The following MYO3A variants were observed in gnomAD, a reference collection of about 807,000 sequenced individuals.
The protein encoded by MYO3A is myosin-IIIa.
Under a neutral mutation model 192.7 loss-of-function variants are expected in MYO3A, and 180 were observed. The ratio of observed to expected loss-of-function variants is 0.93; its 90% CI spans 0.83 to 1.06. MYO3A has a LOEUF of 1.06. Ranked by LOEUF, MYO3A falls within the 50% of genes least tolerant of loss-of-function variation. The pLI is 0.00. For synonymous variants in MYO3A, 628 were observed against 645.3 expected, an observed-to-expected ratio of 0.97 and a Z score of 0.41; for missense variants, 1,896 against 1,905.0, an observed-to-expected ratio of 1.00 and a Z score of 0.09.
intron 10 of MYO3A, among the ~76,000 whole-genome samples, chr10:26,040,325 A>G (rs1360622507): frequency 2.0e-5 from 3 of 152,302 alleles, no homozygotes; most frequent in African/African-American, 7.2e-5. Context: ...AACTAACATT[A>G]GAATAGTCTG....
chr10:25,942,790 G>T (rs796999386), intron 2 of MYO3A, among the ~76,000 whole-genome samples: 1 of 145,404 alleles, frequency 6.9e-6, no homozygotes, highest in African/African-American at 2.6e-5. Flanking sequence ...TTTTAATTGG[G>T]TTTTTTTTTT....
At chr10:26,055,496 A>G (rs1844260197) in intron 10 of MYO3A, among the ~76,000 whole-genome samples, 1 of 152,080 alleles carries the variant, frequency 6.6e-6, no homozygotes, top group South Asian at 2.1e-4. Flanking sequence ...GGGTGGGAAA[A>G]TTTGAACTGT....
At chr10:26,131,083 C>T (rs925245303) in intron 20 of MYO3A, among the ~76,000 whole-genome samples, 3 of 152,142 alleles carry the variant, frequency 2.0e-5, no homozygotes, top group African/African-American at 7.2e-5. Flanking sequence ...GGCCAGATCT[C>T]GGCACAAGTC....
chr10:26,069,815 C>T (rs1835083705), intron 12 of MYO3A, among the ~76,000 whole-genome samples: 1 of 152,018 alleles, frequency 6.6e-6, no homozygotes, highest in South Asian at 2.1e-4. Context: ...CATTTAAATA[C>T]ATAATGGAAT....
At chr10:26,062,303 G>A (rs185477461) in intron 10 of MYO3A, among the ~76,000 whole-genome samples, 4 of 151,580 alleles carry the variant, frequency 2.6e-5, no homozygotes, top group African/African-American at 4.8e-5. Context: ...GGCAGATCAC[G>A]AGGTCAGGAG....
rs376900225 is a variant in MYO3A, at chr10:26,205,666, G to A, written c.4730+2559G>A. On this transcript the variant is annotated intron_variant, in intron 34 of 34. Transcript: ENST00000642920. ...GAGTCTGGCTCTGTCGCCCAGGCTG[G>A]AATGCAGTGGCACGATCTCGGCTCA... 4.1e-4 allele frequency among the ~76,000 whole-genome samples: 54 copies of A among 132,920 alleles called. 1 individual carries two copies. Among genetic ancestry groups the A allele is most frequent in the Admixed American group, 6.8e-4 (8 of 11,820 alleles). The allele number at this position is 132,920 out of a possible 152,430, so 87.2% of individuals were successfully genotyped here.
intron 20 of MYO3A, 93 bp from the exon 21 acceptor site, chr10:26,143,354 CA>C: frequency 7.7e-7 from 1 of 1,305,562 alleles, no homozygotes; most frequent in South Asian, 1.3e-5. Context: ...TCAAAGGGAG[CA>C]ATTTATTTTA....
intron 10 of MYO3A, among the ~76,000 whole-genome samples, chr10:26,044,659 T>C (rs72793981): frequency 0.16 from 24,636 of 152,028 alleles, 2,254 homozygotes; most frequent in Non-Finnish European, 0.21. Context: ...TAGCAAAGCC[T>C]TAATGATTGG....
At chr10:25,949,043 G>C (rs1215270134) in intron 2 of MYO3A, among the ~76,000 whole-genome samples, 1 of 152,030 alleles carries the variant, frequency 6.6e-6, no homozygotes, top group Non-Finnish European at 1.5e-5. Context: ...GACCACTTCA[G>C]AATTTTTTCT....
At chr10:25,988,939 C>CTTTT (rs56308717) in intron 4 of MYO3A, among the ~76,000 whole-genome samples, 1 of 116,990 alleles carries the variant, frequency 8.5e-6, no homozygotes, top group East Asian at 2.5e-4. Context: ...CCCTAAAACT[C>CTTTT]TTTTTTTTTT....
At chr10:26,069,158 T>A (rs1835039119) in intron 12 of MYO3A, among the ~76,000 whole-genome samples, 1 of 152,202 alleles carries the variant, frequency 6.6e-6, no homozygotes, top group South Asian at 2.1e-4. Context: ...ACTAAACAGA[T>A]GCCTTTAAAA....
At chr10:26,205,972 A>G (rs1054764740) in intron 34 of MYO3A, among the ~76,000 whole-genome samples, 2 of 151,690 alleles carry the variant, frequency 1.3e-5, no homozygotes, top group Admixed American at 1.3e-4. Context: ...CATATACCAC[A>G]TGTTCATTAT....
intron 33 of MYO3A, among the ~76,000 whole-genome samples, chr10:26,202,197 G>A (rs756771614): frequency 2.0e-5 from 3 of 152,158 alleles, no homozygotes; most frequent in African/African-American, 4.8e-5. Flanking sequence ...AAACAAGAGC[G>A]TTTCTATTAA....
chr10:26,008,645 T>C (rs1338971213), intron 6 of MYO3A, among the ~76,000 whole-genome samples: 1 of 151,728 alleles, frequency 6.6e-6, no homozygotes, highest in African/African-American at 2.4e-5. Flanking sequence ...CATCACTGGC[T>C]ATCAGAGAAA....
At chr10:25,993,359 C>G (rs1840182849) in intron 4 of MYO3A, among the ~76,000 whole-genome samples, 1 of 151,966 alleles carries the variant, frequency 6.6e-6, no homozygotes, top group Non-Finnish European at 1.5e-5. Context: ...GGTGATATCC[C>G]CTTCATGATT....
chr10:25,974,303 G>T (rs1446735841), intron 4 of MYO3A, among the ~76,000 whole-genome samples: 1 of 152,136 alleles, frequency 6.6e-6, no homozygotes, highest in Non-Finnish European at 1.5e-5. Context: ...TTTTTTAAAA[G>T]GTATAAATTC....
intron 6 of MYO3A, among the ~76,000 whole-genome samples, chr10:26,013,468 A>G (rs1841799661): frequency 6.6e-6 from 1 of 151,878 alleles, no homozygotes; most frequent in South Asian, 2.1e-4. Flanking sequence ...ACATGAATAG[A>G]CATTTCTCAA....
At chr10:26,190,558 AG>A (rs1313150700) in intron 31 of MYO3A, among the ~76,000 whole-genome samples, 1 of 152,202 alleles carries the variant, frequency 6.6e-6, no homozygotes, top group Non-Finnish European at 1.5e-5. Flanking sequence ...CCAGGAGGCA[AG>A]GGGAAGATCA....
At chr10:25,936,408 T>C (rs1836067302) in intron 2 of MYO3A, among the ~76,000 whole-genome samples, 2 of 152,200 alleles carry the variant, frequency 1.3e-5, no homozygotes, top group Admixed American at 1.3e-4. Context: ...AAATGTTTAT[T>C]ATGTAAATAA....
Sources: allele counts gnomAD v4.1 joint callset (sites outside exome capture counted in the v4.1 genomes callset), GRCh38; gene constraint gnomAD v4.1.1; transcripts MANE v1.5; gene names NCBI Gene and HGNC (gene_info 2026-07-23, HGNC 2026-07-21).